NXNL2: variants seen among roughly 807,000 people sequenced by gnomAD.
The protein encoded by NXNL2 is nucleoredoxin-like protein 2.
In NXNL2, 7 loss-of-function variants were observed where a neutral mutation model predicts 11.1. The observed-to-expected ratio is 0.63, with a 90% CI of 0.36 to 1.18. The LOEUF (loss-of-function observed/expected upper bound fraction) is 1.18. Ranked by LOEUF, NXNL2 falls within the 50% of genes most tolerant of loss-of-function variation. NXNL2 has a pLI of 0.02. For missense variants in NXNL2, 233 were observed against 217.7 expected (o/e 1.07, Z -0.44); for synonymous variants, 109 against 101.8 (o/e 1.07, Z -0.42).
intron 2 of NXNL2, among the ~76,000 whole-genome samples, chr9:88,572,360 C>T (rs1441180299): frequency 1.3e-5 from 2 of 152,096 alleles, no homozygotes; most frequent in Non-Finnish European, 2.9e-5. Context: ...CTTTCTTCGG[C>T]CTCCCACCTA....
intron 1 of NXNL2, among the ~76,000 whole-genome samples, chr9:88,568,250 A>T (rs991610444): frequency 4.6e-5 from 7 of 152,220 alleles, no homozygotes; most frequent in Non-Finnish European, 8.8e-5. Flanking sequence ...TAATTAATTT[A>T]AATTTAAATT....
At chr9:88,576,349 G>A (rs1401639201), downstream of NXNL2, among the ~76,000 whole-genome samples, 1 of 152,212 alleles carries the variant, frequency 6.6e-6, no homozygotes, top group Non-Finnish European at 1.5e-5. Context: ...TCAACAGGTG[G>A]CTGCTTCTTT....
intron 1 of NXNL2, among the ~76,000 whole-genome samples, chr9:88,552,166 C>T (rs539519925): frequency 9.2e-5 from 14 of 152,256 alleles, no homozygotes; most frequent in Admixed American, 6.5e-4. Flanking sequence ...GCCCAGATCA[C>T]GCTTGTGTGT....
Position 88,535,769 on chromosome 9 carries a change from C to T in NXNL2, c.302+33C>T, listed in dbSNP as rs374944292. The T allele has an allele frequency of 3.3e-6, 5 of 1,505,954 alleles. No individual in the cohort carries two copies. In the East Asian group the frequency reaches 9.1e-5, roughly 27 times the overall value. The allele number at this position is 1,505,954 out of a possible 1,614,324, so 93.3% of individuals were successfully genotyped here. A position where few individuals can be genotyped will look rare whatever the true frequency, so the allele number is the denominator to read the frequency against. ...GGGGTCCTGGGGGGGCGGGGGCCGCCCGGCACGTCTCCCCCATGTTCCCCC... is the reference window on the plus strand; with the variant it reads ...GGGGTCCTGGGGGGGCGGGGGCCGCTCGGCACGTCTCCCCCATGTTCCCCC... On this transcript the variant is annotated intron_variant, in intron 1 of 1. Transcript: ENST00000375854.
chr9:88,574,515 G>A (rs913629119), intron 2 of NXNL2, among the ~76,000 whole-genome samples: 1 of 152,218 alleles, frequency 6.6e-6, no homozygotes, highest in African/African-American at 2.4e-5. Context: ...GTCATAGGTA[G>A]ATAAGAGACA....
At chr9:88,552,946 A>G (rs1313113809) in intron 1 of NXNL2, among the ~76,000 whole-genome samples, 1 of 152,168 alleles carries the variant, frequency 6.6e-6, no homozygotes, top group Non-Finnish European at 1.5e-5. Context: ...GCCCACGACT[A>G]AGACCTAAAA....
intron 1 of NXNL2, among the ~76,000 whole-genome samples, chr9:88,560,506 T>G (rs928885695): frequency 6.6e-6 from 1 of 151,894 alleles, no homozygotes; most frequent in African/African-American, 2.4e-5. Context: ...GACTAGATGT[T>G]TATGAAGCGT....
Position 88,540,088 on chromosome 9 carries a change from T to C in NXNL2, c.303-4291T>C, listed in dbSNP as rs985491803. ...TGGCTCACGCCTGTAATCCCAGCAC[T>C]TTGGGAGGCCGAGGCGGGTGGATCA... On this transcript the variant is annotated intron_variant, in intron 1 of 1. Transcript: ENST00000375854. Among the ~76,000 whole-genome samples the C allele has an allele frequency of 2.6e-4, 39 of 152,038 alleles. 1 individual carries two copies. Among genetic ancestry groups the C allele is most frequent in the Non-Finnish European group, 8.8e-5 (6 of 67,972 alleles).
intron 1 of NXNL2, 66 bp downstream of exon 1, chr9:88,535,802 C>A: frequency 7.5e-7 from 1 of 1,335,512 alleles, no homozygotes; most frequent in East Asian, 2.4e-5. Context: ...CCCAGGCCTC[C>A]CCCTCTGCAC....
chr9:88,535,749 C>T lies in NXNL2; in HGVS notation c.302+13C>T, dbSNP rs776456326. The T allele has an allele frequency of 1.3e-6, 2 of 1,538,220 alleles. No individual in the cohort carries two copies. Among genetic ancestry groups the T allele is most frequent in the Non-Finnish European group, 1.7e-6 (2 of 1,152,820 alleles). ...ACCCCTACCGGCAGTGAGTGGGGGT[C>T]CTGGGGGGGCGGGGGCCGCCCGGCA... is the stretch of plus-strand genomic sequence containing the variant. On this transcript the variant is annotated intron_variant, in intron 1 of 1. Coordinates refer to ENST00000375854, the MANE Select transcript of NXNL2 (RefSeq NM_001161625.2).
intron 1 of NXNL2, among the ~76,000 whole-genome samples, chr9:88,566,970 TATC>T (rs1408100299): frequency 2.9e-5 from 4 of 138,364 alleles, no homozygotes; most frequent in Middle Eastern, 3.8e-3. Flanking sequence ...TTCTATTATC[TATC>T]ATCTATCTAT....
intron 1 of NXNL2, 32 bp downstream of exon 1, chr9:88,535,768 C>T: frequency 6.6e-7 from 1 of 1,505,578 alleles, no homozygotes; most frequent in Non-Finnish European, 8.8e-7. Flanking sequence ...GCGGGGGCCG[C>T]CCGGCACGTC....
rs148046933 is a variant in NXNL2, at chr9:88,543,259, T to G, written c.303-1120T>G. On this transcript the variant is annotated intron_variant, in intron 1 of 1. Transcript: ENST00000375854. ...AAGCTCTAGATGTATTTAGAACTCA[T>G]GGAATTTTAACTTTTTTTTTTTTTT... 2.2e-3 allele frequency among the ~76,000 whole-genome samples: 336 copies of G among 151,518 alleles called. 4 individuals carry two copies. Among genetic ancestry groups the G allele is most frequent in the African/African-American group, 8.0e-3 (328 of 40,982 alleles).
chr9:88,578,596 T>C (rs1830375370), downstream of NXNL2, among the ~76,000 whole-genome samples: 1 of 152,252 alleles, frequency 6.6e-6, no homozygotes, highest in South Asian at 2.1e-4. Context: ...GATTTCAGGT[T>C]GGGAAGTCCG....
chr9:88,570,996 G>A, intron 1 of NXNL2: 2 of 349,936 alleles, frequency 5.7e-6, no homozygotes, highest in South Asian at 2.1e-5. Context: ...ACCCGAGTTG[G>A]CCTCCCAAAG....
At chr9:88,563,939 G>A (rs573312927) in intron 1 of NXNL2, among the ~76,000 whole-genome samples, 8 of 151,746 alleles carry the variant, frequency 5.3e-5, no homozygotes, top group African/African-American at 1.2e-4. Flanking sequence ...GGCCGGGCGC[G>A]GTGGTTCACA....
At chr9:88,577,283 G>T (rs1171294306), downstream of NXNL2, among the ~76,000 whole-genome samples, 1 of 151,520 alleles carries the variant, frequency 6.6e-6, no homozygotes, top group African/African-American at 2.4e-5. Context: ...GATGGGGTGT[G>T]TGTGTTTGTG....
intron 1 of NXNL2, among the ~76,000 whole-genome samples, chr9:88,552,811 T>C (rs1829958401): frequency 6.6e-6 from 1 of 152,222 alleles, no homozygotes; most frequent in Admixed American, 6.5e-5. Flanking sequence ...ACAGTTGTAA[T>C]GACAAGTTCA....
chr9:88,578,155 T>A (rs1220061754), downstream of NXNL2, among the ~76,000 whole-genome samples: 1 of 152,234 alleles, frequency 6.6e-6, no homozygotes, highest in Non-Finnish European at 1.5e-5. Context: ...GCAGGCGCTG[T>A]TAATCTCCAA....
Sources: allele counts gnomAD v4.1 joint callset (sites outside exome capture counted in the v4.1 genomes callset), GRCh38; gene constraint gnomAD v4.1.1; transcripts MANE v1.5; gene names NCBI Gene and HGNC (gene_info 2026-07-23, HGNC 2026-07-21).